The following PARP14 variants were observed in gnomAD, a reference collection of about 807,000 sequenced individuals.
The protein encoded by PARP14 is protein mono-ADP-ribosyltransferase PARP14.
In PARP14, 59 loss-of-function variants were observed where a neutral mutation model predicts 154.2. The observed-to-expected ratio is 0.38, with a 90% CI of 0.31 to 0.48. The LOEUF is 0.48. Ranked by LOEUF, PARP14 falls within the 20% of genes least tolerant of loss-of-function variation. The pLI, the probability that PARP14 is intolerant of heterozygous loss-of-function variation, is 0.98. For synonymous variants in PARP14, 720 were observed against 780.5 expected, an observed-to-expected ratio of 0.92 and a Z score of 1.29; for missense variants, 1,734 against 2,131.6, an observed-to-expected ratio of 0.81 and a Z score of 3.67.
Position 122,692,482 on chromosome 3 carries a change from C to T in PARP14, c.537C>T (p.Asp179=), listed in dbSNP as rs1938573763. The T allele has an allele frequency of 3.1e-6, 5 of 1,612,812 alleles. No individual in the cohort carries two copies. Among genetic ancestry groups the T allele is most frequent in the Non-Finnish European group, 4.2e-6 (5 of 1,178,944 alleles). Residue 179 remains aspartate (D), a synonymous_variant, in exon 4 of 17, where the codon GAC becomes GAT. Coordinates refer to ENST00000474629, the MANE Select transcript of PARP14 (RefSeq NM_017554.3). ...ACATAAGTGGCCTGTCTAATGATGACTTTCAAGTGGAAATAATAAGAGATT... is the reference window on the plus strand; with the variant it reads ...ACATAAGTGGCCTGTCTAATGATGATTTTCAAGTGGAAATAATAAGAGATT... ...VENISGLSND[D]FQVEIIRDFD...
At chr3:122,703,196 C>T (rs1000007837) in intron 6 of PARP14, among the ~76,000 whole-genome samples, 5 of 152,026 alleles carry the variant, frequency 3.3e-5, no homozygotes, top group African/African-American at 1.2e-4. Flanking sequence ...TAATCTAGCC[C>T]GATTAATCTG....
At chr3:122,708,305 G>A (rs1370565138) in intron 9 of PARP14, 37 bp downstream of exon 9, 3 of 1,124,060 alleles carry the variant, frequency 2.7e-6, no homozygotes, top group South Asian at 2.7e-5. Flanking sequence ...GTGATTTCTA[G>A]TTGCTAAGTA....
intron 8 of PARP14, among the ~76,000 whole-genome samples, chr3:122,705,389 A>G (rs1343035184): frequency 1.3e-5 from 2 of 152,250 alleles, no homozygotes; most frequent in African/African-American, 4.8e-5. Flanking sequence ...AATACATAGT[A>G]TAAAAGCACA....
rs909389631 is a variant in PARP14 at position 122,701,691 on chromosome 3, G to A, written c.3081+56G>A. ...GGCACTGTGACTTTACTTAGTCAGT[G>A]GCTCTCTCATGGAGGGCTGAAGAAA... On this transcript the variant is annotated intron_variant, in intron 6 of 16. Coordinates refer to ENST00000474629, the MANE Select transcript of PARP14 (RefSeq NM_017554.3). This position sits in a 1 kb window ranked among gnomAD's most constrained non-coding sequence, Gnocchi z 4.0. 1.6e-6 allele frequency: 2 copies of A among 1,279,400 alleles called. No individual in the cohort carries two copies. The highest frequency in any genetic ancestry group is 3.0e-5 in the African/African-American group (2 of 66,496). The allele number at this position is 1,279,400 out of a possible 1,614,324, so 79.3% of individuals were successfully genotyped here.
At chr3:122,714,601 G>A (rs1489909885) in intron 12 of PARP14, among the ~76,000 whole-genome samples, 172 bp downstream of exon 12, 1 of 152,204 alleles carries the variant, frequency 6.6e-6, no homozygotes, top group African/African-American at 2.4e-5. Flanking sequence ...GACAAAGCCT[G>A]TGGATTGTTT....
chr3:122,724,739 G>A (rs1370197627), intron 15 of PARP14, among the ~76,000 whole-genome samples: 1 of 151,776 alleles, frequency 6.6e-6, no homozygotes, highest in Non-Finnish European at 1.5e-5. Flanking sequence ...TGGAGAGAAG[G>A]TCAGCAGATA....
chr3:122,700,441 A>C lies in PARP14; in HGVS notation c.1887A>C (p.Pro629=), dbSNP rs762713313. 20 of 1,613,572 alleles carry C rather than the reference A, an allele frequency of 1.2e-5. No homozygotes were observed. In the South Asian group the frequency reaches 1.4e-4, roughly 12 times the overall value. ...TGCTTAAGAAACAAAATTCCTCCCC[A>C]AACACTGTAATCATCAATGAGTTAA... ...HNLLKKQNSS[P]NTVIINELTS... Residue 629 remains proline (P), a synonymous_variant, in exon 6 of 17, where the codon CCA becomes CCC. Coordinates refer to ENST00000474629, the MANE Select transcript of PARP14 (RefSeq NM_017554.3).
chr3:122,720,714 C>A, intron 15 of PARP14: 2 of 460,012 alleles, frequency 4.3e-6, no homozygotes, highest in Admixed American at 2.5e-5. Context: ...GAGAGCCATG[C>A]AGAGGCTCCT....
chr3:122,713,640 C>A lies in PARP14; in HGVS notation c.3769+67C>A, dbSNP rs1287812409. On this transcript the variant is annotated intron_variant, in intron 10 of 16. Transcript: ENST00000474629. The stretch of plus-strand genomic sequence containing the variant: ...TGCTATGAAGGAGGGTTTCTATAGC[C>A]AAACTGGTTTTTAGAACTTTGGCTT... The A allele has an allele frequency of 3.5e-6, 5 of 1,434,890 alleles. No homozygotes were observed. The South Asian group carries it at 5.2e-5, about 15-fold the overall frequency. 88.9% of individuals were successfully genotyped at this position (1,434,890 alleles called of 1,614,324 possible). A position where few individuals can be genotyped will look rare whatever the true frequency, so the allele number is the denominator to read the frequency against.
At position 122,703,805 on chromosome 3, in the gene PARP14, T is replaced by A. The variant is rs773479019; in HGVS notation, c.3145T>A (p.Ser1049Thr). Residue 1049 changes from serine to threonine, a missense_variant, in exon 7 of 17, where the codon TCC becomes ACC. This residue lies in a region of PARP14 where 1,646 missense variants were observed against 1,976.0 expected (regional missense o/e 0.83). Transcript: ENST00000474629. ...LVLSRGPLSK[S>T]LLEKAGPELQ... ...GCTTAGTAGAGGGCCTCTTTCTAAG[T>A]CCCTCTTGGAAAAAGCTGGACCAGA... is the stretch of plus-strand genomic sequence containing the variant. The A allele has an allele frequency of 1.2e-6, 2 of 1,613,858 alleles. No homozygotes were observed. The highest frequency in any genetic ancestry group is 2.2e-5 in the South Asian group (2 of 91,072).
intron 9 of PARP14, among the ~76,000 whole-genome samples, chr3:122,709,900 T>TTTTTG (rs1939269065): frequency 6.6e-6 from 1 of 150,796 alleles, no homozygotes; most frequent in Non-Finnish European, 1.5e-5. Flanking sequence ...TTGTTTTTTT[T>TTTTTG]TTTGTTTGTT....
chr3:122,689,890 A>G (rs1938486192), intron 3 of PARP14, among the ~76,000 whole-genome samples: 1 of 152,092 alleles, frequency 6.6e-6, no homozygotes, highest in Non-Finnish European at 1.5e-5. Flanking sequence ...ATTCTGCACA[A>G]TTGTGCGCCT....
chr3:122,719,395 T>G (rs1045475597), intron 14 of PARP14, among the ~76,000 whole-genome samples: 2 of 152,174 alleles, frequency 1.3e-5, no homozygotes, highest in African/African-American at 4.8e-5. Context: ...GTCTGACTGA[T>G]AATCCAGGGA....
chr3:122,723,810 CT>C (rs1271346443), intron 15 of PARP14, among the ~76,000 whole-genome samples: 1 of 152,200 alleles, frequency 6.6e-6, no homozygotes, highest in African/African-American at 2.4e-5. Context: ...TACTGATTGA[CT>C]TTCACTTCCA....
At position 122,692,505 on chromosome 3, in the gene PARP14, A is replaced by T; in HGVS notation, c.560A>T (p.Asp187Val). Reference sequence around the variant, plus strand: ...GACTTTCAAGTGGAAATAATAAGAGATTTTGATGTTGCTGTTGTTACCTTT... The same window carrying T: ...GACTTTCAAGTGGAAATAATAAGAGTTTTTGATGTTGCTGTTGTTACCTTT... ...NDDFQVEIIR[D>V]FDVAVVTFQK... The change falls in exon 4 of 17, where the codon GAT (aspartate) becomes GTT (valine). Residue 187 changes from aspartate (D) to valine (V), a missense_variant. Asp to Val is a radical substitution (Grantham distance 152, BLOSUM62 -3). Transcript: ENST00000474629. 2 of 1,612,460 alleles carry T rather than the reference A, an allele frequency of 1.2e-6. No homozygotes were observed. The highest frequency in any genetic ancestry group is 1.7e-6 in the Non-Finnish European group (2 of 1,178,748).
intron 1 of PARP14, chr3:122,683,423 G>C (rs1398978567): frequency 7.8e-6 from 2 of 257,158 alleles, no homozygotes; most frequent in African/African-American, 4.6e-5. Context: ...AAACAAATGG[G>C]AAGCTGTATC....
intron 1 of PARP14, among the ~76,000 whole-genome samples, chr3:122,682,349 G>A (rs537262017): frequency 1.3e-5 from 2 of 152,176 alleles, no homozygotes; most frequent in South Asian, 4.2e-4. Flanking sequence ...GGTCTGACCT[G>A]CATCTGAATC....
intron 1 of PARP14, among the ~76,000 whole-genome samples, chr3:122,682,774 G>C (rs547156908): frequency 6.6e-6 from 1 of 152,060 alleles, no homozygotes; most frequent in Non-Finnish European, 1.5e-5. Context: ...AAAACCGGCC[G>C]GGCGTGGTGG....
At chr3:122,686,657 G>C (rs1938384551) in intron 2 of PARP14, 1 of 157,036 alleles carries the variant, frequency 6.4e-6, no homozygotes, top group South Asian at 1.9e-4. Context: ...TGTAGAGATG[G>C]GGTCTCACTA....
Sources: gnomAD v4.1 joint callset for allele counts (sites outside exome capture counted in the v4.1 genomes callset) on GRCh38, gnomAD v4.1.1 for gene constraint, gnomAD v4.1.1 regional missense constraint, Gnocchi (gnomAD v3.1) non-coding constraint, MANE v1.5 for transcripts, NCBI Gene and HGNC (gene_info 2026-07-23, HGNC 2026-07-21) for gene names.